Variants in LRCH3 observed in about 807,000 individuals in gnomAD.
The protein encoded by LRCH3 is DISP complex protein LRCH3.
LRCH3 carries 68 observed loss-of-function variants against 104.5 expected under a neutral mutation model. That is an observed-to-expected ratio of 0.65 (90% confidence interval 0.54 to 0.80). LRCH3 has a LOEUF of 0.80. Ranked by LOEUF, LRCH3 falls within the 30% of genes least tolerant of loss-of-function variation. The pLI is 0.00. For missense variants in LRCH3, 951 were observed against 953.9 expected (o/e 1.00, Z 0.04); for synonymous variants, 344 against 361.3 (o/e 0.95, Z 0.54).
At chr3:197,864,071 C>T (rs1288633949) in intron 15 of LRCH3, among the ~76,000 whole-genome samples, 3 of 151,678 alleles carry the variant, frequency 2.0e-5, no homozygotes, top group South Asian at 2.1e-4. Context: ...TTTGGGAGGT[C>T]GAGGCAGGTG....
At chr3:197,880,254 T>C (rs1713625590) in intron 20 of LRCH3, among the ~76,000 whole-genome samples, 1 of 151,102 alleles carries the variant, frequency 6.6e-6, no homozygotes, top group Admixed American at 6.6e-5. Flanking sequence ...CTGTGTATTG[T>C]ATTCTTAATG....
chr3:197,863,789 T>C (rs529323441), intron 15 of LRCH3, among the ~76,000 whole-genome samples: 1 of 152,330 alleles, frequency 6.6e-6, no homozygotes, highest in African/African-American at 2.4e-5. Flanking sequence ...CTTAAACATC[T>C]TCTCTCCTAA....
chr3:197,792,448 C>A (rs1314145456), intron 1 of LRCH3, among the ~76,000 whole-genome samples: 1 of 149,296 alleles, frequency 6.7e-6, no homozygotes, highest in Non-Finnish European at 1.5e-5. Flanking sequence ...CCGAGTTGTT[C>A]ATCATCATGT....
chr3:197,796,032 A>G (rs1731177622), intron 1 of LRCH3, among the ~76,000 whole-genome samples: 1 of 152,076 alleles, frequency 6.6e-6, no homozygotes, highest in Non-Finnish European at 1.5e-5. Context: ...AATACAGTGA[A>G]ACTACCCGTG....
intron 1 of LRCH3, among the ~76,000 whole-genome samples, chr3:197,796,025 AC>A (rs751850503): frequency 1.7e-4 from 26 of 152,182 alleles, no homozygotes; most frequent in Non-Finnish European, 3.7e-4. Flanking sequence ...CCTGACTAAT[AC>A]AGTGAAACTA....
At chr3:197,880,495 G>C in intron 20 of LRCH3, 4 of 1,525,832 alleles carry the variant, frequency 2.6e-6, no homozygotes, top group Non-Finnish European at 3.5e-6. Context: ...TTCCTTTCCT[G>C]CTTACACTTT....
Position 197,847,916 on chromosome 3 carries a change from A to G in LRCH3, c.1425A>G (p.Leu475=), listed in dbSNP as rs748694685. The G allele has an allele frequency of 1.2e-6, 2 of 1,614,142 alleles. No homozygotes were observed. Among genetic ancestry groups the G allele is most frequent in the Admixed American group, 1.7e-5 (1 of 60,020 alleles). ...AACTTCATCAGAGAAGGGAGCAGTT[A>G]GTAGAGCGCACTCGGAGAGAGGCTC... The part of the protein sequence containing the change: ...DLELHQRREQ[L]VERTRREAQL... The change falls in exon 12 of 21, where the codon TTA becomes TTG. Residue 475 remains leucine, a synonymous_variant. Coordinates refer to ENST00000425562, the MANE Select transcript of LRCH3 (RefSeq NM_001365715.1).
chr3:197,813,510 A>ATTTTTTTTTTTTTTT (rs57062885), intron 1 of LRCH3, among the ~76,000 whole-genome samples: 1 of 66,064 alleles, frequency 1.5e-5, no homozygotes, highest in African/African-American at 4.7e-5. Flanking sequence ...GAGGCATATA[A>ATTTTTTTTTTTTTTT]TTTTTTTTTT....
intron 1 of LRCH3, among the ~76,000 whole-genome samples, chr3:197,809,267 C>T (rs1263324721): frequency 1.3e-5 from 2 of 151,656 alleles, no homozygotes; most frequent in South Asian, 4.2e-4. Flanking sequence ...CACTGCACTC[C>T]AGCTGGGGTA....
chr3:197,818,734 T>G (rs1388344811), intron 3 of LRCH3, among the ~76,000 whole-genome samples: 2 of 152,212 alleles, frequency 1.3e-5, no homozygotes, highest in African/African-American at 4.8e-5. Context: ...TCCTAAATAC[T>G]TAAAAGGTAG....
chr3:197,847,466 G>A lies in LRCH3; in HGVS notation c.1380+6G>A, dbSNP rs562702693. On this transcript the variant is annotated splice_donor_region_variant and intron_variant, in intron 11 of 20. Coordinates refer to ENST00000425562, the MANE Select transcript of LRCH3 (RefSeq NM_001365715.1). ...TATCAGCAAGTCACAATCAGGTAATGTTTAGTAGTTGTGTTTATTTTTGCT... is the reference window on the plus strand; with the variant it reads ...TATCAGCAAGTCACAATCAGGTAATATTTAGTAGTTGTGTTTATTTTTGCT... 2 of 1,594,268 alleles carry A rather than the reference G, an allele frequency of 1.3e-6. No individual in the cohort carries two copies. The highest frequency in any genetic ancestry group is 2.3e-5 in the East Asian group (1 of 43,654).
intron 16 of LRCH3, 110 bp from the exon 17 acceptor site, chr3:197,866,002 A>G (rs1741438150): frequency 1.3e-6 from 1 of 782,528 alleles, no homozygotes; most frequent in Admixed American, 2.4e-5. Flanking sequence ...AAATAGAATT[A>G]TTTTATATCA....
intron 1 of LRCH3, among the ~76,000 whole-genome samples, chr3:197,814,158 A>T (rs535317962): frequency 6.6e-6 from 1 of 152,234 alleles, no homozygotes; most frequent in Non-Finnish European, 1.5e-5. Context: ...AATGGAACTT[A>T]AAAGTTCCAC....
In LRCH3 at chr3:197,885,846, G is replaced by A. The variant is rs1323334423; in HGVS notation, c.*2180G>A. On this transcript the variant is annotated 3_prime_UTR_variant, in exon 21 of 21. Coordinates refer to ENST00000425562, the MANE Select transcript of LRCH3 (RefSeq NM_001365715.1). ...AGCGGAAGATATCTCTTTTGTTTCT[G>A]TAGTTGTTAACTGTTCTGGATTTTC... 6.6e-6 allele frequency: 1 copy of A among 152,190 alleles called. No individual in the cohort carries two copies. The highest frequency in any genetic ancestry group is 1.9e-4 in the East Asian group (1 of 5,206). 9.4% of individuals were successfully genotyped at this position (152,190 alleles called of 1,614,324 possible). A position where few individuals can be genotyped will look rare whatever the true frequency, so the allele number is the denominator to read the frequency against.
intron 20 of LRCH3, among the ~76,000 whole-genome samples, chr3:197,879,020 T>C (rs913841725): frequency 6.6e-6 from 1 of 152,248 alleles, no homozygotes; most frequent in African/African-American, 2.4e-5. Flanking sequence ...AGTTAAAGTA[T>C]GAGTGAAATA....
chr3:197,842,412 C>T (rs924276660), intron 10 of LRCH3, among the ~76,000 whole-genome samples: 1 of 152,178 alleles, frequency 6.6e-6, no homozygotes, highest in Non-Finnish European at 1.5e-5. Flanking sequence ...TGACTGACAG[C>T]TCTCAGACCA....
At chr3:197,850,839 A>T in intron 12 of LRCH3, 1 of 1,052,696 alleles carries the variant, frequency 9.5e-7, no homozygotes, top group Non-Finnish European at 1.5e-6. Flanking sequence ...TCGTATATGC[A>T]TACCCTTGGT....
At position 197,858,804 on chromosome 3, in the gene LRCH3, T is replaced by A. The variant is rs189236961; in HGVS notation, c.1645-30T>A. ...ATTTGCTAACATAAATGCTGCCTTCTGTTTCTTCTCTTTCTCATTTGAAAT... is the reference window on the plus strand; with the variant it reads ...ATTTGCTAACATAAATGCTGCCTTCAGTTTCTTCTCTTTCTCATTTGAAAT... On this transcript the variant is annotated intron_variant, in intron 14 of 20. Transcript: ENST00000425562. 41 of 1,584,100 alleles carry A rather than the reference T, an allele frequency of 2.6e-5. No homozygotes were observed. The African/African-American group carries it at 4.7e-4, about 18-fold the overall frequency.
At chr3:197,822,952 G>A in intron 4 of LRCH3, 1 of 151,298 alleles carries the variant, frequency 6.6e-6, no homozygotes, top group Non-Finnish European at 1.5e-5. Flanking sequence ...TGGCATTACA[G>A]GCACACACCA....
Sources: allele counts gnomAD v4.1 joint callset (sites outside exome capture counted in the v4.1 genomes callset), GRCh38; gene constraint gnomAD v4.1.1; transcripts MANE v1.5; gene names NCBI Gene and HGNC (gene_info 2026-07-23, HGNC 2026-07-21).